Variants in GRIN2B observed in about 807,000 individuals in gnomAD.
GRIN2B encodes the protein glutamate receptor ionotropic, NMDA 2B.
In GRIN2B, 5 loss-of-function variants were observed where a neutral mutation model predicts 114.5. The observed-to-expected ratio is 0.04, with a 90% CI of 0.02 to 0.09. The LOEUF is 0.09. GRIN2B is among the 10% of genes least tolerant of loss of function. GRIN2B has a pLI of 1.00. For synonymous variants in GRIN2B, 787 were observed against 745.1 expected (o/e 1.06, Z -0.92); for missense variants, 1,108 against 1,943.5 (o/e 0.57, Z 8.08).
intron 4 of GRIN2B, among the ~76,000 whole-genome samples, chr12:13,680,296 A>G (rs985208003): frequency 2.0e-5 from 3 of 152,120 alleles, no homozygotes; most frequent in Non-Finnish European, 1.5e-5. Context: ...TTAAATTATA[A>G]TTAAGAGATG....
Position 13,616,583 on chromosome 12 carries a change from C to T in GRIN2B, c.1200G>A (p.Glu400=), listed in dbSNP as rs1458381786. Residue 400 remains glutamate, a synonymous_variant, in exon 6 of 14, where the codon GAG becomes GAA. Coordinates refer to ENST00000609686, the MANE Select transcript of GRIN2B (RefSeq NM_000834.5). The part of the protein sequence containing the change: ...VWPRMCPETE[E]QEDDHLSIVT... ...CAATGCTCAGATGGTCATCCTCCTG[C>T]TCTTCAGTCTCTGGACACATTCGGG... 1.2e-6 allele frequency: 2 copies of T among 1,613,800 alleles called. No individual in the cohort carries two copies. Among genetic ancestry groups the T allele is most frequent in the East Asian group, 2.2e-5 (1 of 44,902 alleles).
At chr12:13,751,887 G>T (rs963638657) in intron 4 of GRIN2B, among the ~76,000 whole-genome samples, 1 of 152,146 alleles carries the variant, frequency 6.6e-6, no homozygotes, top group Non-Finnish European at 1.5e-5. Flanking sequence ...TAAAACAGGA[G>T]TGTGCTAAGG....
chr12:13,710,662 C>T (rs1171020134), intron 4 of GRIN2B, among the ~76,000 whole-genome samples: 3 of 152,022 alleles, frequency 2.0e-5, no homozygotes, highest in East Asian at 1.9e-4. Context: ...CCTAGGAATC[C>T]AACTTACAAG....
chr12:13,547,981 A>ATATATATATATTTTTTTTT lies in GRIN2B; in HGVS notation c.*14801_*14802insAAAAAAAAATATATATATA. On this transcript the variant is annotated 3_prime_UTR_variant, in exon 14 of 14. Coordinates refer to ENST00000609686, the MANE Select transcript of GRIN2B (RefSeq NM_000834.5). ...TGTGTATATATATATATATATATAT[A>ATATATATATATTTTTTTTT]TTTTTTTTTTTTTTCTGAAAGCTAC... The ATATATATATATTTTTTTTT allele has an allele frequency of 2.2e-4, 15 of 68,566 alleles. No individual in the cohort carries two copies. The highest frequency in any genetic ancestry group is 5.7e-4 in the East Asian group (1 of 1,748). The allele number at this position is 68,566 out of a possible 1,614,324, so 4.2% of individuals were successfully genotyped here. A position where few individuals can be genotyped will look rare whatever the true frequency, so the allele number is the denominator to read the frequency against.
chr12:13,847,616 G>T (rs187387503), intron 3 of GRIN2B, among the ~76,000 whole-genome samples: 2 of 152,076 alleles, frequency 1.3e-5, no homozygotes, highest in Admixed American at 1.3e-4. Context: ...ACAGGAGATG[G>T]GGGGGAGGAC....
At chr12:13,630,539 G>A (rs1299433308) in intron 5 of GRIN2B, among the ~76,000 whole-genome samples, 1 of 152,136 alleles carries the variant, frequency 6.6e-6, no homozygotes, top group African/African-American at 2.4e-5. Flanking sequence ...CTCTTGGAAT[G>A]TTGCTGACAA....
At chr12:13,770,394 C>T (rs11055612) in intron 3 of GRIN2B, among the ~76,000 whole-genome samples, 73,765 of 151,992 alleles carry the variant, frequency 0.49, 18,338 homozygotes, top group African/African-American at 0.57. Flanking sequence ...CAAGGTAAGA[C>T]ATTAAGTTTA....
chr12:13,602,564 T>C lies in GRIN2B; in HGVS notation c.2010+6039A>G, dbSNP rs1326302810. 1.3e-5 allele frequency among the ~76,000 whole-genome samples: 2 copies of C among 152,332 alleles called. 1 individual carries two copies. Among genetic ancestry groups the C allele is most frequent in the Non-Finnish European group, 2.9e-5 (2 of 68,024 alleles). ...ACACATGCTCAACAACCACTCAACATTTCAGGGTAGTTGTGGAGTAAATTT... is the reference window on the plus strand; with the variant it reads ...ACACATGCTCAACAACCACTCAACACTTCAGGGTAGTTGTGGAGTAAATTT... On this transcript the variant is annotated intron_variant, in intron 10 of 13. Coordinates refer to ENST00000609686, the MANE Select transcript of GRIN2B (RefSeq NM_000834.5).
chr12:13,705,447 C>T (rs1363119803), intron 4 of GRIN2B, among the ~76,000 whole-genome samples: 1 of 152,054 alleles, frequency 6.6e-6, no homozygotes, highest in African/African-American at 2.4e-5. Flanking sequence ...TAAAAGTATA[C>T]TATATTTTGA....
chr12:13,736,135 CGGG>C (rs59618961), intron 4 of GRIN2B, among the ~76,000 whole-genome samples: 18 of 3,756 alleles, frequency 4.8e-3, no homozygotes, highest in African/African-American at 0.021. Context: ...CATAGAAAAG[CGGG>C]GGGGGGGGGG....
At chr12:13,832,302 T>C (rs1347427074) in intron 3 of GRIN2B, among the ~76,000 whole-genome samples, 3 of 152,380 alleles carry the variant, frequency 2.0e-5, no homozygotes, top group South Asian at 2.1e-4. Context: ...GGTGTCTATA[T>C]GTAATCTGCT....
chr12:13,636,699 T>C (rs1227431209), intron 5 of GRIN2B, among the ~76,000 whole-genome samples: 1 of 152,172 alleles, frequency 6.6e-6, no homozygotes, highest in African/African-American at 2.4e-5. Context: ...CTGAGACAGA[T>C]CCTGGGCAGA....
intron 2 of GRIN2B, among the ~76,000 whole-genome samples, chr12:13,966,593 A>C (rs910633686): frequency 6.6e-6 from 1 of 152,228 alleles, no homozygotes; most frequent in Non-Finnish European, 1.5e-5. Context: ...TGAGATACTC[A>C]AAGAAGTCAG....
Position 13,615,660 on chromosome 12 carries a change from T to C in GRIN2B, c.1333A>G (p.Lys445Glu), listed in dbSNP as rs1306964868. Reference sequence around the variant, plus strand: ...ATGTAACCCGGCTCCTCGTCTGTTTTATTCCTAGCCAATTAAAGAAACAAA... The same window carrying C: ...ATGTAACCCGGCTCCTCGTCTGTTTCATTCCTAGCCAATTAAAGAAACAAA... Reference protein sequence around the residue: ...PCQKRIVTENKTDEEPGYIKK... With the variant: ...PCQKRIVTENETDEEPGYIKK... The change falls in exon 7 of 14, where the codon AAA becomes GAA. Residue 445 changes from lysine (K) to glutamate (E), a missense_variant. Transcript: ENST00000609686. This position sits in a 1 kb window ranked among gnomAD's most constrained non-coding sequence, Gnocchi z 5.8. 6.2e-7 allele frequency: 1 copy of C among 1,613,034 alleles called. No homozygotes were observed.
chr12:13,709,676 C>T (rs1230369681), intron 4 of GRIN2B, among the ~76,000 whole-genome samples: 1 of 151,986 alleles, frequency 6.6e-6, no homozygotes, highest in African/African-American at 2.4e-5. Context: ...GTCACTACCT[C>T]TGAGCTTCTA....
At chr12:13,754,290 A>T (rs1333743729) in intron 3 of GRIN2B, among the ~76,000 whole-genome samples, 2 of 152,050 alleles carry the variant, frequency 1.3e-5, no homozygotes, top group African/African-American at 4.8e-5. Flanking sequence ...GCCTCATGTC[A>T]GTTCAGGTCA....
intron 5 of GRIN2B, among the ~76,000 whole-genome samples, chr12:13,640,175 C>T (rs1017214613): frequency 2.6e-5 from 4 of 152,010 alleles, no homozygotes; most frequent in African/African-American, 9.7e-5. Context: ...TGCTTGAGCC[C>T]AGGAGTTTGA....
intron 4 of GRIN2B, among the ~76,000 whole-genome samples, chr12:13,708,719 G>C (rs1396666524): frequency 1.3e-5 from 2 of 151,942 alleles, no homozygotes; most frequent in Non-Finnish European, 2.9e-5. Context: ...TACACAGAGA[G>C]GTTAATCAAC....
At chr12:13,798,651 T>C (rs1489041143) in intron 3 of GRIN2B, among the ~76,000 whole-genome samples, 1 of 152,234 alleles carries the variant, frequency 6.6e-6, no homozygotes, top group African/African-American at 2.4e-5. Context: ...TGACACCACC[T>C]GTATCCCTTC....
Sources: allele counts gnomAD v4.1 joint callset (sites outside exome capture counted in the v4.1 genomes callset), GRCh38; gene constraint gnomAD v4.1.1; non-coding constraint Gnocchi (gnomAD v3.1); transcripts MANE v1.5; gene names NCBI Gene and HGNC (gene_info 2026-07-23, HGNC 2026-07-21).